ITGA9: variants seen among roughly 807,000 people sequenced by gnomAD.
ITGA9 encodes integrin alpha-9.
Under a neutral mutation model 127.8 loss-of-function variants are expected in ITGA9, and 56 were observed. The observed-to-expected ratio is 0.44, with a 90% CI of 0.35 to 0.55. The LOEUF is 0.55. Among genes scored for constraint, ITGA9 ranks in the 20% least tolerant of loss-of-function variants. The pLI, the probability that ITGA9 is intolerant of heterozygous loss-of-function variation, is 0.00. For missense variants in ITGA9, 1,196 were observed against 1,347.1 expected (o/e 0.89, Z 1.76); for synonymous variants, 508 against 514.5 (o/e 0.99, Z 0.17).
intron 13 of ITGA9, among the ~76,000 whole-genome samples, chr3:37,528,798 A>G (rs141393000): frequency 1.1e-4 from 16 of 152,348 alleles, no homozygotes; most frequent in African/African-American, 3.8e-4. Flanking sequence ...AAATGCACCA[A>G]TTTGAGAGTA....
In ITGA9 at chr3:37,712,158, G is replaced by A. The variant is rs1033753844; in HGVS notation, c.2068-20554G>A. Among the ~76,000 whole-genome samples the A allele has an allele frequency of 2.0e-5, 3 of 152,338 alleles. No homozygotes were observed. The South Asian group carries it at 6.2e-4, about 32-fold the overall frequency. On this transcript the variant is annotated intron_variant, in intron 18 of 27. Coordinates refer to ENST00000264741, the MANE Select transcript of ITGA9 (RefSeq NM_002207.3). ...AGCTGTATTGGGCACAGCCACGAGT[G>A]TCATCCCAGGGAACTCATGTGAGCC... is the stretch of plus-strand genomic sequence containing the variant.
At chr3:37,481,752 T>A in intron 4 of ITGA9, 145 bp downstream of exon 4, 1 of 1,162,738 alleles carries the variant, frequency 8.6e-7, no homozygotes, top group Non-Finnish European at 1.3e-6. Flanking sequence ...CCAGATGGTC[T>A]CTTGGTCCCC....
intron 8 of ITGA9, among the ~76,000 whole-genome samples, chr3:37,510,783 C>A (rs1047733357): frequency 6.6e-6 from 1 of 152,098 alleles, no homozygotes; most frequent in Non-Finnish European, 1.5e-5. Flanking sequence ...GCTCTTCTGG[C>A]CCTAACCTTT....
At position 37,820,115 on chromosome 3, in the gene ITGA9, TAAGG is replaced by T. The variant is rs1697494021; in HGVS notation, c.*1130_*1133del. 6.6e-6 allele frequency: 1 copy of T among 152,132 alleles called. No individual in the cohort carries two copies. The highest frequency in any genetic ancestry group is 2.4e-5 in the African/African-American group (1 of 41,414). 9.4% of individuals were successfully genotyped at this position (152,132 alleles called of 1,614,324 possible). A position where few individuals can be genotyped will look rare whatever the true frequency, so the allele number is the denominator to read the frequency against. ...AAGGATTTGTGTGCAAGTAACTTATTAAGGAAGTATTCCCAGGGGATACCAGTAA... is the reference window on the plus strand; with the variant it reads ...AAGGATTTGTGTGCAAGTAACTTATTAAGTATTCCCAGGGGATACCAGTAA... On this transcript the variant is annotated 3_prime_UTR_variant, in exon 28 of 28. Coordinates refer to ENST00000264741, the MANE Select transcript of ITGA9 (RefSeq NM_002207.3).
At chr3:37,607,994 C>T (rs1699984562) in intron 15 of ITGA9, among the ~76,000 whole-genome samples, 1 of 152,180 alleles carries the variant, frequency 6.6e-6, no homozygotes, top group South Asian at 2.1e-4. Flanking sequence ...TGGCCAGACA[C>T]GAGAAAGCCA....
chr3:37,535,187 T>A (rs973328984), intron 14 of ITGA9, among the ~76,000 whole-genome samples: 1 of 152,366 alleles, frequency 6.6e-6, no homozygotes, highest in South Asian at 2.1e-4. Flanking sequence ...CCTGCCCTCA[T>A]GGAGCTTCTA....
At position 37,818,663 on chromosome 3, in the gene ITGA9, A is replaced by C. The variant is rs899546790; in HGVS notation, c.3010-228A>C. On this transcript the variant is annotated intron_variant, in intron 27 of 27. Transcript: ENST00000264741. Reference sequence around the variant, plus strand: ...AACACTACACCAGATGCATTTTAGAAGGAACAAACAGCTTACGTAATATCA... The same window carrying C: ...AACACTACACCAGATGCATTTTAGACGGAACAAACAGCTTACGTAATATCA... The C allele has an allele frequency of 5.2e-6, 3 of 577,866 alleles. No individual in the cohort carries two copies. In the African/African-American group the frequency reaches 5.6e-5, roughly 11 times the overall value. 35.8% of individuals were successfully genotyped at this position (577,866 alleles called of 1,614,324 possible).
intron 12 of ITGA9, among the ~76,000 whole-genome samples, chr3:37,525,510 C>T (rs1049784929): frequency 1.3e-5 from 2 of 152,128 alleles, no homozygotes; most frequent in Non-Finnish European, 2.9e-5. Flanking sequence ...CCATGTTCTT[C>T]AGAACCTAGA....
At chr3:37,703,370 A>G (rs985953012) in intron 18 of ITGA9, among the ~76,000 whole-genome samples, 6 of 152,304 alleles carry the variant, frequency 3.9e-5, no homozygotes, top group South Asian at 4.1e-4. Flanking sequence ...TTTTTGATCA[A>G]TTGGGTTGCT....
At chr3:37,546,954 A>G (rs1270088473) in intron 15 of ITGA9, among the ~76,000 whole-genome samples, 1 of 152,192 alleles carries the variant, frequency 6.6e-6, no homozygotes, top group East Asian at 1.9e-4. Flanking sequence ...GTGAGATCAA[A>G]TACCTATGCA....
chr3:37,453,647 C>T (rs1269103794), intron 1 of ITGA9, among the ~76,000 whole-genome samples: 1 of 152,142 alleles, frequency 6.6e-6, no homozygotes, highest in African/African-American at 2.4e-5. Context: ...CCAGCCTGAG[C>T]GTCCTTAGGG....
At chr3:37,765,805 A>G (rs1696773304) in intron 23 of ITGA9, among the ~76,000 whole-genome samples, 1 of 152,220 alleles carries the variant, frequency 6.6e-6, no homozygotes, top group South Asian at 2.1e-4. Flanking sequence ...GAGAGAATAA[A>G]TCAAGCCAGC....
rs147221490 is a variant in ITGA9, at chr3:37,458,688, G to A, written c.185+6129G>A. ...ACTGTGTTGGGAGGGTGTGAGATGT[G>A]CTCCTTGGCCTGCAGTGTGGCTGGG... On this transcript the variant is annotated intron_variant, in intron 1 of 27. Transcript: ENST00000264741. Among the ~76,000 whole-genome samples the A allele has an allele frequency of 2.0e-5, 3 of 152,218 alleles. No individual in the cohort carries two copies. In the South Asian group the frequency reaches 6.2e-4, roughly 32 times the overall value.
chr3:37,758,760 A>C (rs996825878), intron 23 of ITGA9, among the ~76,000 whole-genome samples: 62 of 152,100 alleles, frequency 4.1e-4, no homozygotes, highest in African/African-American at 1.4e-3. Context: ...TTAAAAAAAA[A>C]AGTATCCTAT....
chr3:37,615,071 T>G (rs558863911), intron 15 of ITGA9, among the ~76,000 whole-genome samples: 1 of 152,340 alleles, frequency 6.6e-6, no homozygotes, highest in South Asian at 2.1e-4. Flanking sequence ...CTTCCAGTTT[T>G]TGCCCATTCA....
intron 4 of ITGA9, among the ~76,000 whole-genome samples, chr3:37,489,081 C>A (rs1698640433): frequency 6.6e-6 from 1 of 152,162 alleles, no homozygotes; most frequent in African/African-American, 2.4e-5. Context: ...ACAGTATGTG[C>A]CCTTTTGTGA....
intron 5 of ITGA9, among the ~76,000 whole-genome samples, chr3:37,494,815 C>T (rs267522): frequency 0.53 from 80,176 of 151,728 alleles, 22,043 homozygotes; most frequent in East Asian, 0.79. Flanking sequence ...TTGATGATTT[C>T]TGTAGGAGTC....
At chr3:37,508,678 G>T (rs1225661307) in intron 8 of ITGA9, 51 bp downstream of exon 8, 1 of 1,469,752 alleles carries the variant, frequency 6.8e-7, no homozygotes, top group Non-Finnish European at 9.5e-7. Context: ...ATGTGATCAT[G>T]TGGGAGTCAG....
Position 37,606,574 on chromosome 3 carries a change from C to T in ITGA9, c.1690-22613C>T, listed in dbSNP as rs575745688. ...TCCATGAGCTCACAGACTCCCCTAA[C>T]GTCCATGAAGATCATCACCAGGATT... is the stretch of plus-strand genomic sequence containing the variant. On this transcript the variant is annotated intron_variant, in intron 15 of 27. Coordinates refer to ENST00000264741, the MANE Select transcript of ITGA9 (RefSeq NM_002207.3). 2.6e-5 allele frequency among the ~76,000 whole-genome samples: 4 copies of T among 152,340 alleles called. No individual in the cohort carries two copies. The South Asian group carries it at 6.2e-4, about 24-fold the overall frequency.
Sources: gnomAD v4.1 joint callset for allele counts (sites outside exome capture counted in the v4.1 genomes callset) on GRCh38, gnomAD v4.1.1 for gene constraint, MANE v1.5 for transcripts, NCBI Gene and HGNC (gene_info 2026-07-23, HGNC 2026-07-21) for gene names.